The following FGGY variants were observed in gnomAD, a reference collection of about 807,000 sequenced individuals.
FGGY encodes FGGY carbohydrate kinase domain-containing protein.
In FGGY, 72 loss-of-function variants were observed where a neutral mutation model predicts 71.3. The ratio of observed to expected loss-of-function variants is 1.01; its 90% CI spans 0.84 to 1.23. The LOEUF is 1.23. FGGY is among the 50% of genes most tolerant of loss of function. FGGY has a pLI of 0.00. For synonymous variants in FGGY, 251 were observed against 250.3 expected (o/e 1.00, Z -0.02); for missense variants, 668 against 682.3 (o/e 0.98, Z 0.23).
intron 1 of FGGY, among the ~76,000 whole-genome samples, chr1:59,298,903 C>G (rs2042355904): frequency 6.6e-6 from 1 of 152,224 alleles, no homozygotes; most frequent in Non-Finnish European, 1.5e-5. Flanking sequence ...GTTCACTCAT[C>G]TTGTCCACAT....
At chr1:59,635,163 A>G (rs1211734745) in intron 10 of FGGY, among the ~76,000 whole-genome samples, 2 of 152,244 alleles carry the variant, frequency 1.3e-5, no homozygotes, top group Non-Finnish European at 2.9e-5. Flanking sequence ...TATGTGAATA[A>G]TGATGTGTAT....
intron 14 of FGGY, among the ~76,000 whole-genome samples, chr1:59,691,490 T>C (rs2097585970): frequency 6.6e-6 from 1 of 152,088 alleles, no homozygotes. Context: ...GAATTAGAAA[T>C]TCTATCCAGC....
At position 59,674,113 on chromosome 1, in the gene FGGY, G is replaced by C. The variant is rs372466126; in HGVS notation, c.1492G>C (p.Gly498Arg). ...TGCTGTTCTGGGTGCCTGTGCCTCA[G>C]GGGATTTCGCTTCTGTACAGGTATG... ...GAAVLGACAS[G>R]DFASVQEAMA... is the part of the protein sequence containing the mutation. The change falls in exon 14 of 16, where the codon GGG becomes CGG. Residue 498 changes from glycine (G) to arginine (R), a missense_variant. Around this residue, in one of 2 missense-constraint regions of FGGY, gnomAD observed 661 missense variants for 661.6 expected, o/e 1.00. Coordinates refer to ENST00000303721, the MANE Select transcript of FGGY (RefSeq NM_018291.5). 2.5e-6 allele frequency: 4 copies of C among 1,613,750 alleles called. No homozygotes were observed. The highest frequency in any genetic ancestry group is 3.4e-6 in the Non-Finnish European group (4 of 1,179,894).
chr1:59,598,505 C>T (rs1168534780), intron 8 of FGGY, among the ~76,000 whole-genome samples: 1 of 152,160 alleles, frequency 6.6e-6, no homozygotes, highest in Non-Finnish European at 1.5e-5. Flanking sequence ...CATTTGGCTG[C>T]CTCCCTCTAT....
chr1:59,476,825 G>A (rs1435932653), intron 6 of FGGY, among the ~76,000 whole-genome samples: 1 of 152,220 alleles, frequency 6.6e-6, no homozygotes, highest in Admixed American at 6.5e-5. Context: ...TGCTGCCTCA[G>A]AGGTTCTTTC....
intron 5 of FGGY, among the ~76,000 whole-genome samples, chr1:59,434,234 G>A (rs1407244109): frequency 1.3e-5 from 2 of 152,200 alleles, no homozygotes; most frequent in African/African-American, 4.8e-5. Context: ...TTTTCTGCCA[G>A]TTTCTAGGAC....
chr1:59,434,960 C>G (rs2068118786), intron 5 of FGGY, among the ~76,000 whole-genome samples: 1 of 152,118 alleles, frequency 6.6e-6, no homozygotes, highest in Admixed American at 6.6e-5. Flanking sequence ...AGTCTTCAGA[C>G]AAAAATTTAC....
intron 9 of FGGY, among the ~76,000 whole-genome samples, chr1:59,612,321 A>C (rs1342105098): frequency 6.6e-6 from 1 of 152,244 alleles, no homozygotes; most frequent in Non-Finnish European, 1.5e-5. Context: ...TACAAGCCAG[A>C]AGAGAGTGGG....
At chr1:59,615,867 A>G (rs2096747136) in intron 9 of FGGY, among the ~76,000 whole-genome samples, 1 of 152,218 alleles carries the variant, frequency 6.6e-6, no homozygotes, top group Admixed American at 6.5e-5. Flanking sequence ...AAATGAAGAC[A>G]TTTATGTAGC....
intron 5 of FGGY, among the ~76,000 whole-genome samples, chr1:59,404,528 C>T (rs1191016856): frequency 6.6e-6 from 1 of 152,100 alleles, no homozygotes; most frequent in East Asian, 1.9e-4. Flanking sequence ...AGATAGAGCA[C>T]AGGTAGTTGT....
intron 5 of FGGY, among the ~76,000 whole-genome samples, chr1:59,381,141 A>T (rs966924870): frequency 1.3e-5 from 2 of 151,952 alleles, no homozygotes; most frequent in African/African-American, 4.8e-5. Context: ...GTTCTTTTCC[A>T]TTGGTCTATA....
chr1:59,539,456 G>C (rs550099474), intron 7 of FGGY, among the ~76,000 whole-genome samples: 1 of 152,162 alleles, frequency 6.6e-6, no homozygotes. Context: ...ACTCACACAT[G>C]TATGGACAGT....
intron 13 of FGGY, among the ~76,000 whole-genome samples, chr1:59,670,801 G>T (rs1374323254): frequency 6.6e-6 from 1 of 152,164 alleles, no homozygotes; most frequent in South Asian, 2.1e-4. Flanking sequence ...GGAGAGCGGG[G>T]CCTTGCCAGC....
intron 1 of FGGY, among the ~76,000 whole-genome samples, chr1:59,313,341 A>G (rs2044726151): frequency 6.6e-6 from 1 of 152,202 alleles, no homozygotes; most frequent in Non-Finnish European, 1.5e-5. Flanking sequence ...TCAGTTTGTT[A>G]AAATTAGAGA....
intron 6 of FGGY, among the ~76,000 whole-genome samples, chr1:59,509,308 C>G (rs2094464500): frequency 1.3e-5 from 2 of 152,206 alleles, no homozygotes; most frequent in Non-Finnish European, 2.9e-5. Context: ...CTTATATTCT[C>G]TCTCTTTCTT....
chr1:59,463,490 G>A (rs942922060), intron 6 of FGGY, among the ~76,000 whole-genome samples: 2 of 152,082 alleles, frequency 1.3e-5, no homozygotes, highest in South Asian at 4.1e-4. Context: ...CATAATGACA[G>A]GATCAAATTC....
intron 5 of FGGY, among the ~76,000 whole-genome samples, chr1:59,409,146 A>G (rs2063207103): frequency 6.6e-6 from 1 of 152,204 alleles, no homozygotes. Flanking sequence ...CTGAAAGCTA[A>G]CATACACATA....
chr1:59,567,236 C>T (rs2095888732), intron 8 of FGGY, among the ~76,000 whole-genome samples: 1 of 152,202 alleles, frequency 6.6e-6, no homozygotes, highest in African/African-American at 2.4e-5. Context: ...CCACATGCCA[C>T]AGCAGCATTG....
chr1:59,688,018 T>C (rs1397799563), intron 14 of FGGY, among the ~76,000 whole-genome samples: 1 of 152,148 alleles, frequency 6.6e-6, no homozygotes. Context: ...GGACTAAAGC[T>C]CAAAAGACAA....
Sources: allele counts gnomAD v4.1 joint callset (sites outside exome capture counted in the v4.1 genomes callset), GRCh38; gene constraint gnomAD v4.1.1; regional missense constraint gnomAD v4.1.1; transcripts MANE v1.5; gene names NCBI Gene and HGNC (gene_info 2026-07-23, HGNC 2026-07-21).